SLC4A4: variants seen among roughly 807,000 people sequenced by gnomAD.
SLC4A4 encodes the protein electrogenic sodium bicarbonate cotransporter 1.
In SLC4A4, 27 loss-of-function variants were observed where a neutral mutation model predicts 111.5. That is an observed-to-expected ratio of 0.24 (90% CI 0.18 to 0.33). The LOEUF is 0.33. Ranked by LOEUF, SLC4A4 falls within the 10% of genes least tolerant of loss-of-function variation. The pLI is 1.00. For missense variants in SLC4A4, 909 were observed against 1,315.5 expected, an observed-to-expected ratio of 0.69 and a Z score of 4.78; for synonymous variants, 443 against 463.4, an observed-to-expected ratio of 0.96 and a Z score of 0.57.
At position 71,549,891 on chromosome 4, in the gene SLC4A4, G is replaced by C. The variant is rs1386709145; in HGVS notation, c.2694+2171G>C. 4.6e-5 allele frequency among the ~76,000 whole-genome samples: 7 copies of C among 152,050 alleles called. No homozygotes were observed. In the East Asian group the frequency reaches 1.2e-3, roughly 25 times the overall value. On this transcript the variant is annotated intron_variant, in intron 20 of 25. Coordinates refer to ENST00000264485, the MANE Select transcript of SLC4A4 (RefSeq NM_001098484.3). ...CTTTACAATGATTCTTTTCACCCCT[G>C]ATAGGCAAAGTGCCTTAGTATTTAC...
At chr4:71,437,059 A>G (rs894514485) in intron 7 of SLC4A4, 5 of 401,718 alleles carry the variant, frequency 1.2e-5, no homozygotes, top group Non-Finnish European at 2.5e-5. Context: ...CATTTTAACT[A>G]TCTCATAGCC....
intron 16 of SLC4A4, among the ~76,000 whole-genome samples, chr4:71,510,552 G>A (rs1243681845): frequency 6.6e-6 from 1 of 151,830 alleles, no homozygotes; most frequent in Non-Finnish European, 1.5e-5. Context: ...TGCAAATACA[G>A]ACATCCTTGT....
intron 3 of SLC4A4, among the ~76,000 whole-genome samples, chr4:71,289,054 T>A (rs966430121): frequency 6.6e-6 from 1 of 152,172 alleles, no homozygotes; most frequent in Non-Finnish European, 1.5e-5. Context: ...GGAATGTGCT[T>A]TGTTATACCT....
At chr4:71,136,585 G>A (rs528440236) in intron 2 of SLC4A4, among the ~76,000 whole-genome samples, 52 of 152,302 alleles carry the variant, frequency 3.4e-4, no homozygotes, top group African/African-American at 1.2e-3. Context: ...TCAAGGATCA[G>A]TATACTGTAA....
chr4:71,171,576 A>G (rs561156908), intron 2 of SLC4A4, among the ~76,000 whole-genome samples: 2 of 152,342 alleles, frequency 1.3e-5, no homozygotes, highest in African/African-American at 4.8e-5. Flanking sequence ...TAATGATTGA[A>G]TGCAGCATTG....
At chr4:71,235,866 G>GA (rs1218700309) in intron 1 of SLC4A4, among the ~76,000 whole-genome samples, 13 of 152,218 alleles carry the variant, frequency 8.5e-5, no homozygotes, top group African/African-American at 2.9e-4. Context: ...TATACATAGA[G>GA]AAAGATGTGT....
At chr4:71,138,705 G>A (rs1012188031) in intron 2 of SLC4A4, among the ~76,000 whole-genome samples, 4 of 152,116 alleles carry the variant, frequency 2.6e-5, no homozygotes, top group African/African-American at 9.7e-5. Context: ...TTGCAGGAGG[G>A]AAGAAGGCTG....
rs185461686 is a variant in SLC4A4 at position 71,305,664 on chromosome 4, C to T, written c.254-33706C>T. The stretch of plus-strand genomic sequence containing the variant: ...ATCTCAGAGCATATTATTTCACTTC[C>T]GTGTCCTCTGTGTTTCATCTGTTCA... On this transcript the variant is annotated intron_variant, in intron 3 of 25. Transcript: ENST00000264485. Among the ~76,000 whole-genome samples, 20 of 152,328 alleles carry T rather than the reference C, an allele frequency of 1.3e-4. No individual in the cohort carries two copies. The East Asian group carries it at 2.1e-3, about 16-fold the overall frequency.
chr4:71,518,572 G>C (rs1053552278), intron 16 of SLC4A4, among the ~76,000 whole-genome samples: 1 of 152,128 alleles, frequency 6.6e-6, no homozygotes, highest in Non-Finnish European at 1.5e-5. Context: ...ATGCTGGACA[G>C]GCCTGGAGCC....
chr4:71,382,532 A>G (rs566550419), intron 6 of SLC4A4, among the ~76,000 whole-genome samples: 1 of 152,312 alleles, frequency 6.6e-6, no homozygotes, highest in African/African-American at 2.4e-5. Context: ...GTCTGTGCAA[A>G]TGCTACTGCT....
intron 5 of SLC4A4, among the ~76,000 whole-genome samples, chr4:71,353,317 A>G (rs1326790691): frequency 6.6e-6 from 1 of 152,228 alleles, no homozygotes; most frequent in Non-Finnish European, 1.5e-5. Context: ...TCCTGGGGCA[A>G]GCAGTCAGAG....
chr4:71,149,748 T>C (rs1030535547), intron 2 of SLC4A4, among the ~76,000 whole-genome samples: 1 of 152,172 alleles, frequency 6.6e-6, no homozygotes, highest in African/African-American at 2.4e-5. Context: ...ACTGTGCTGA[T>C]AGGTTTGGAT....
intron 4 of SLC4A4, 128 bp from the exon 5 acceptor site, chr4:71,349,784 T>C (rs867137669): frequency 1.8e-5 from 14 of 790,594 alleles, no homozygotes; most frequent in Middle Eastern, 2.4e-4. Context: ...TCTAATAAGC[T>C]ATTAATACTC....
intron 1 of SLC4A4, among the ~76,000 whole-genome samples, chr4:71,228,967 G>A (rs1016259849): frequency 6.6e-6 from 1 of 151,790 alleles, no homozygotes; most frequent in Non-Finnish European, 1.5e-5. Context: ...AGTTCTATAC[G>A]ATTTTATCAC....
At chr4:71,278,940 T>G (rs1723287484) in intron 3 of SLC4A4, among the ~76,000 whole-genome samples, 1 of 152,170 alleles carries the variant, frequency 6.6e-6, no homozygotes, top group African/African-American at 2.4e-5. Flanking sequence ...CCAGCTTTAT[T>G]GAGGTATAAT....
rs147373714 is a variant in SLC4A4 at position 71,507,524 on chromosome 4, G to A, written c.2166+9832G>A. ...GTATTACATAATGGTAAAGGGTTCA[G>A]TTCAACAAGAAGAGCTAACTATCCT... is the stretch of plus-strand genomic sequence containing the variant. On this transcript the variant is annotated intron_variant, in intron 16 of 25. Transcript: ENST00000264485. 9.1e-3 allele frequency among the ~76,000 whole-genome samples: 1,379 copies of A among 152,234 alleles called. 21 individuals carry two copies. The highest frequency in any genetic ancestry group is 0.03 in the African/African-American group (1,263 of 41,564).
chr4:71,288,467 C>T (rs186048120), intron 3 of SLC4A4, among the ~76,000 whole-genome samples: 12 of 151,958 alleles, frequency 7.9e-5, no homozygotes, highest in East Asian at 1.9e-4. Context: ...GGCGTGATCT[C>T]GGCTCACTGC....
In SLC4A4 at chr4:71,403,051, T is replaced by C. The variant is rs560238305; in HGVS notation, c.807+5398T>C. On this transcript the variant is annotated intron_variant, in intron 7 of 25. Coordinates refer to ENST00000264485, the MANE Select transcript of SLC4A4 (RefSeq NM_001098484.3). ...TGGGACAGTTGCATCTCCGCATTTA[T>C]TAATGTTGTACATTCTTAAAAGCTA... Among the ~76,000 whole-genome samples the C allele has an allele frequency of 2.6e-5, 4 of 152,320 alleles. No individual in the cohort carries two copies. The East Asian group carries it at 7.7e-4, about 29-fold the overall frequency.
At chr4:71,480,459 T>C (rs1386240028) in intron 14 of SLC4A4, among the ~76,000 whole-genome samples, 1 of 151,734 alleles carries the variant, frequency 6.6e-6, no homozygotes, top group East Asian at 2.0e-4. Flanking sequence ...CCCTAGAAGC[T>C]ACTTCTCTCA....
Sources: allele counts gnomAD v4.1 joint callset (sites outside exome capture counted in the v4.1 genomes callset), GRCh38; gene constraint gnomAD v4.1.1; transcripts MANE v1.5; gene names NCBI Gene and HGNC (gene_info 2026-07-23, HGNC 2026-07-21).